Variants in GRID2 observed in about 807,000 individuals in gnomAD.
The protein encoded by GRID2 is glutamate receptor ionotropic, delta-2.
Under a neutral mutation model 114.8 loss-of-function variants are expected in GRID2, and 33 were observed. The ratio of observed to expected loss-of-function variants is 0.29; its 90% CI spans 0.22 to 0.38. The LOEUF is 0.38. GRID2 is among the 10% of genes least tolerant of loss of function. The pLI is 1.00. For synonymous variants in GRID2, 505 were observed against 449.9 expected (o/e 1.12, Z -1.55); for missense variants, 1,184 against 1,257.7 (o/e 0.94, Z 0.89).
At chr4:92,558,581 A>G (rs1004877958) in intron 1 of GRID2, among the ~76,000 whole-genome samples, 4 of 152,158 alleles carry the variant, frequency 2.6e-5, no homozygotes, top group Non-Finnish European at 5.9e-5. Context: ...CTCCTGCTCC[A>G]ACAAGACATC....
At chr4:92,672,225 C>G (rs943654990) in intron 2 of GRID2, among the ~76,000 whole-genome samples, 1 of 152,010 alleles carries the variant, frequency 6.6e-6, no homozygotes, top group Non-Finnish European at 1.5e-5. Flanking sequence ...CACCTATATC[C>G]TTATTCATTT....
At chr4:92,756,916 G>A (rs755420457) in intron 2 of GRID2, among the ~76,000 whole-genome samples, 17 of 151,982 alleles carry the variant, frequency 1.1e-4, no homozygotes, top group Non-Finnish European at 1.9e-4. Context: ...TCTTTATTAT[G>A]TTGATTGTTT....
At chr4:93,691,753 C>G (rs1291260601) in intron 14 of GRID2, among the ~76,000 whole-genome samples, 1 of 151,888 alleles carries the variant, frequency 6.6e-6, no homozygotes, top group Non-Finnish European at 1.5e-5. Flanking sequence ...AATTCTATAG[C>G]TATGCTCACA....
intron 2 of GRID2, among the ~76,000 whole-genome samples, chr4:92,700,388 C>T (rs962716735): frequency 1.3e-5 from 2 of 152,150 alleles, no homozygotes; most frequent in Non-Finnish European, 2.9e-5. Flanking sequence ...TACTACCAGA[C>T]ACCTAAAATA....
At chr4:92,424,272 C>A (rs10011953) in intron 1 of GRID2, among the ~76,000 whole-genome samples, 54,965 of 151,788 alleles carry the variant, frequency 0.36, 11,081 homozygotes, top group African/African-American at 0.55. Context: ...CTTCAAAGGA[C>A]CTGTACTTCT....
At chr4:93,276,965 G>C (rs557268935) in intron 8 of GRID2, among the ~76,000 whole-genome samples, 2 of 151,584 alleles carry the variant, frequency 1.3e-5, no homozygotes, top group Admixed American at 6.6e-5. Context: ...TTTTAATAAG[G>C]TACTGTACAA....
rs1348300531 is a variant in GRID2 at position 92,465,729 on chromosome 4, A to G, written c.89-124402A>G. Among the ~76,000 whole-genome samples the G allele has an allele frequency of 2.6e-5, 4 of 152,030 alleles. No individual in the cohort carries two copies. The East Asian group carries it at 5.8e-4, about 22-fold the overall frequency. ...ACATGTTCTTGTATTTAGTCTTGCT[A>G]TTAAATTAGGGGCCATTAGAATAAA... On this transcript the variant is annotated intron_variant, in intron 1 of 15. Transcript: ENST00000282020.
At chr4:93,220,351 T>C (rs1467874575) in intron 6 of GRID2, among the ~76,000 whole-genome samples, 1 of 152,056 alleles carries the variant, frequency 6.6e-6, no homozygotes, top group African/African-American at 2.4e-5. Context: ...GGAAAGATAT[T>C]GAAAAGTCTT....
At position 92,931,381 on chromosome 4, in the gene GRID2, C is replaced by T. The variant is rs575100759; in HGVS notation, c.245-153614C>T. Among the ~76,000 whole-genome samples the T allele has an allele frequency of 3.3e-5, 5 of 151,032 alleles. No individual in the cohort carries two copies. The South Asian group carries it at 8.3e-4, about 25-fold the overall frequency. On this transcript the variant is annotated intron_variant, in intron 2 of 15. Transcript: ENST00000282020. ...CTTACAGCTAGCTAATTTATTGTTA[C>T]AGATGAATCACTGAATACTTATTCC...
At chr4:93,548,109 G>A (rs1195722565) in intron 13 of GRID2, among the ~76,000 whole-genome samples, 7 of 151,988 alleles carry the variant, frequency 4.6e-5, no homozygotes, top group Admixed American at 2.0e-4. Flanking sequence ...CCCGGGAGAC[G>A]GAGGTTGCGG....
chr4:92,449,365 A>G (rs1387094182), intron 1 of GRID2, among the ~76,000 whole-genome samples: 9 of 152,144 alleles, frequency 5.9e-5, no homozygotes, highest in South Asian at 2.1e-4. Context: ...CTCATCTTTT[A>G]TAGTTTGTAT....
intron 13 of GRID2, among the ~76,000 whole-genome samples, chr4:93,552,447 A>G (rs1733855947): frequency 6.6e-6 from 1 of 152,124 alleles, no homozygotes; most frequent in South Asian, 2.1e-4. Flanking sequence ...TCCCTGAAGA[A>G]TCGCCACACT....
chr4:92,926,440 C>T (rs977358886), intron 2 of GRID2, among the ~76,000 whole-genome samples: 1 of 151,846 alleles, frequency 6.6e-6, no homozygotes, highest in Non-Finnish European at 1.5e-5. Flanking sequence ...GGTAGTTCAC[C>T]ATAGAAATTA....
At chr4:93,757,731 G>A (rs1420416545) in intron 14 of GRID2, among the ~76,000 whole-genome samples, 4 of 152,184 alleles carry the variant, frequency 2.6e-5, no homozygotes, top group Admixed American at 1.3e-4. Flanking sequence ...AGAGGCGGGT[G>A]AATCATCTGA....
chr4:92,736,808 A>G lies in GRID2; in HGVS notation c.244+146522A>G, dbSNP rs1736622001. Among the ~76,000 whole-genome samples the G allele has an allele frequency of 2.6e-5, 4 of 152,222 alleles. No individual in the cohort carries two copies. The South Asian group carries it at 8.3e-4, about 31-fold the overall frequency. On this transcript the variant is annotated intron_variant, in intron 2 of 15. Transcript: ENST00000282020. ...GGGCCACCTCTTACAAAGAGAGTAA[A>G]GTGACAAGTGTTGAATTATATATGG...
At chr4:93,711,985 GCT>G (rs1304244643) in intron 14 of GRID2, among the ~76,000 whole-genome samples, 1 of 152,116 alleles carries the variant, frequency 6.6e-6, no homozygotes, top group Admixed American at 6.6e-5. Flanking sequence ...CTCTGCCTGT[GCT>G]CTGAGAGCTT....
At chr4:93,398,023 T>G (rs1336017859) in intron 9 of GRID2, among the ~76,000 whole-genome samples, 2 of 151,370 alleles carry the variant, frequency 1.3e-5, no homozygotes, top group Non-Finnish European at 2.9e-5. Context: ...GTCTTTTGCA[T>G]GTATTGTCTT....
intron 14 of GRID2, among the ~76,000 whole-genome samples, chr4:93,762,184 C>T (rs1017971663): frequency 1.3e-5 from 2 of 151,796 alleles, no homozygotes; most frequent in Non-Finnish European, 2.9e-5. Flanking sequence ...TATTATGAGC[C>T]AAAATAGATT....
intron 2 of GRID2, among the ~76,000 whole-genome samples, chr4:92,718,910 T>TTG (rs1177904002): frequency 2.0e-5 from 3 of 152,096 alleles, no homozygotes; most frequent in African/African-American, 7.2e-5. Flanking sequence ...AAACAATTTA[T>TTG]TGCAATCTTA....
Sources: gnomAD v4.1 joint callset for allele counts (sites outside exome capture counted in the v4.1 genomes callset) on GRCh38, gnomAD v4.1.1 for gene constraint, MANE v1.5 for transcripts, NCBI Gene and HGNC (gene_info 2026-07-23, HGNC 2026-07-21) for gene names.